The following RYR3 variants were observed in gnomAD, a reference collection of about 807,000 sequenced individuals.
RYR3 encodes ryanodine receptor 3, also known as brain ryanodine receptor-calcium release channel.
A neutral mutation model predicts 584.3 loss-of-function variants in RYR3; 207 were observed. That is an observed-to-expected ratio of 0.35 (90% CI 0.32 to 0.40). The LOEUF (loss-of-function observed/expected upper bound fraction) is 0.40. RYR3 is among the 10% of genes least tolerant of loss of function. The pLI is 1.00. For missense variants in RYR3, 5,616 were observed against 6,089.2 expected, an observed-to-expected ratio of 0.92 and a Z score of 2.59; for synonymous variants, 2,416 against 2,248.5, an observed-to-expected ratio of 1.07 and a Z score of -2.11.
At chr15:33,761,375 AGAG>A (rs2072427956) in intron 60 of RYR3, among the ~76,000 whole-genome samples, 1 of 152,202 alleles carries the variant, frequency 6.6e-6, no homozygotes, top group Non-Finnish European at 1.5e-5. Context: ...AGAAGAAAAG[AGAG>A]AAGAATCAAA....
In RYR3 at chr15:33,350,079, G is replaced by A. The variant is rs955894357; in HGVS notation, c.51+38983G>A. ...TACGTGTGCATGTGTCTTTATAGCA[G>A]CATGATTTATAGTCCTTTGGGTATA... On this transcript the variant is annotated intron_variant, in intron 1 of 103. Transcript: ENST00000634891. Among the ~76,000 whole-genome samples, 80 of 152,158 alleles carry A rather than the reference G, an allele frequency of 5.3e-4. 1 individual carries two copies. Among genetic ancestry groups the A allele is most frequent in the African/African-American group, 1.9e-3 (79 of 41,500 alleles).
rs773965332 is a variant in RYR3, at chr15:33,649,153, T to A, written c.4060T>A (p.Leu1354Met). The change falls in exon 31 of 104, where the codon TTG becomes ATG. Residue 1354 changes from leucine (L) to methionine (M), a missense_variant. Around this residue, in one of 9 missense-constraint regions of RYR3, gnomAD observed 753 missense variants for 741.0 expected, o/e 1.02. Transcript: ENST00000634891. Reference sequence around the variant, plus strand: ...CGGATGGGTGACTCCAGACTATCACTTGTACAGTGAAAAGTTTGACCTGAA... The same window carrying A: ...CGGATGGGTGACTCCAGACTATCACATGTACAGTGAAAAGTTTGACCTGAA... Reference protein sequence around the residue: ...WVGWVTPDYHLYSEKFDLNKN... With the variant: ...WVGWVTPDYHMYSEKFDLNKN... 6.2e-7 allele frequency: 1 copy of A among 1,613,822 alleles called. No homozygotes were observed. Among genetic ancestry groups the A allele is most frequent in the Admixed American group, 1.7e-5 (1 of 60,032 alleles).
intron 1 of RYR3, among the ~76,000 whole-genome samples, chr15:33,442,786 C>A (rs1481922924): frequency 6.6e-6 from 1 of 152,210 alleles, no homozygotes; most frequent in Non-Finnish European, 1.5e-5. Context: ...AAGCAAAAGC[C>A]TCTGGACAGC....
chr15:33,667,789 C>A (rs1014752499), intron 36 of RYR3, among the ~76,000 whole-genome samples: 4 of 152,068 alleles, frequency 2.6e-5, no homozygotes, highest in African/African-American at 9.7e-5. Flanking sequence ...TCAGGCCCGG[C>A]GCGGTGGCTC....
At chr15:33,527,621 A>C (rs931495109) in intron 3 of RYR3, among the ~76,000 whole-genome samples, 7 of 150,506 alleles carry the variant, frequency 4.7e-5, no homozygotes, top group Admixed American at 2.0e-4. Context: ...TATTTCACCC[A>C]CAAAGCCTAA....
At chr15:33,347,913 C>A (rs1340723032) in intron 1 of RYR3, among the ~76,000 whole-genome samples, 4 of 151,924 alleles carry the variant, frequency 2.6e-5, no homozygotes, top group African/African-American at 7.3e-5. Flanking sequence ...CAGAAACCAA[C>A]TTCCAGGTAC....
intron 1 of RYR3, among the ~76,000 whole-genome samples, chr15:33,371,690 G>A (rs531105795): frequency 6.6e-6 from 1 of 152,338 alleles, no homozygotes; most frequent in East Asian, 1.9e-4. Flanking sequence ...CACCTAGCGG[G>A]AGGATCATAT....
chr15:33,800,679 GTA>G lies in RYR3; in HGVS notation c.9831-89_9831-88del, dbSNP rs1487191451. 4.2e-5 allele frequency: 36 copies of G among 855,690 alleles called. No individual in the cohort carries two copies. In the East Asian group the frequency reaches 8.7e-4, roughly 21 times the overall value. The allele number at this position is 855,690 out of a possible 1,614,324, so 53.0% of individuals were successfully genotyped here. A position where few individuals can be genotyped will look rare whatever the true frequency, so the allele number is the denominator to read the frequency against. On this transcript the variant is annotated intron_variant, in intron 67 of 103. Transcript: ENST00000634891. ...AGAATGCAGTTTGATCTGGATAAAT[GTA>G]TGTCTCCAGTGCTGGTATAATTTTT...
chr15:33,645,878 T>C (rs903309261), intron 28 of RYR3, among the ~76,000 whole-genome samples: 10 of 151,374 alleles, frequency 6.6e-5, no homozygotes, highest in African/African-American at 2.4e-4. Flanking sequence ...AGATGAGAGC[T>C]GGGCTGGGTG....
At chr15:33,632,782 A>G (rs923505020) in intron 23 of RYR3, among the ~76,000 whole-genome samples, 167 bp from the exon 24 acceptor site, 1 of 152,220 alleles carries the variant, frequency 6.6e-6, no homozygotes, top group East Asian at 1.9e-4. Context: ...TGGGGGCTTC[A>G]TCTATAGACT....
intron 1 of RYR3, among the ~76,000 whole-genome samples, chr15:33,469,141 A>G (rs1329683189): frequency 6.6e-6 from 1 of 152,168 alleles, no homozygotes; most frequent in African/African-American, 2.4e-5. Context: ...AAATTCAGAG[A>G]TCAGAGAGAT....
chr15:33,432,602 TTTC>T (rs1187526623), intron 1 of RYR3, among the ~76,000 whole-genome samples: 22 of 147,392 alleles, frequency 1.5e-4, no homozygotes, highest in African/African-American at 5.6e-4. Flanking sequence ...TCTTTTTTTC[TTTC>T]TTTTTTTTTT....
chr15:33,439,546 A>G (rs992218216), intron 1 of RYR3, among the ~76,000 whole-genome samples: 5 of 152,100 alleles, frequency 3.3e-5, no homozygotes, highest in Non-Finnish European at 5.9e-5. Flanking sequence ...GTCCTTTCCT[A>G]TATTCTCCTA....
Position 33,854,853 on chromosome 15 carries a change from G to A in RYR3, c.13948G>A (p.Ala4650Thr), listed in dbSNP as rs368466725. 173 of 1,613,662 alleles carry A rather than the reference G, an allele frequency of 1.1e-4. No individual in the cohort carries two copies. Among genetic ancestry groups the A allele is most frequent in the East Asian group, 3.3e-4 (15 of 44,864 alleles). ...FFFAAHLLDIAMGFKTLRTIL... is the reference protein window; with the variant it reads ...FFFAAHLLDITMGFKTLRTIL... The stretch of plus-strand genomic sequence containing the variant: ...CTTTGCTGCTCACCTATTGGACATC[G>A]CAATGGGCTTCAAGACACTGAGGAC... The change falls in exon 98 of 104, where the codon GCA (alanine) becomes ACA (threonine). Residue 4650 changes from alanine (A) to threonine (T), a missense_variant. Transcript: ENST00000634891.
chr15:33,684,968 C>A (rs1324402976), intron 38 of RYR3, among the ~76,000 whole-genome samples: 1 of 152,190 alleles, frequency 6.6e-6, no homozygotes, highest in Admixed American at 6.5e-5. Context: ...AAAGGAACAA[C>A]CAGTACCAGC....
chr15:33,677,913 A>T (rs938775568), intron 38 of RYR3, among the ~76,000 whole-genome samples: 2 of 152,184 alleles, frequency 1.3e-5, no homozygotes, highest in African/African-American at 4.8e-5. Flanking sequence ...CCAATCACGG[A>T]TAGAGTCAGG....
chr15:33,505,370 A>T (rs2142786931), intron 3 of RYR3, among the ~76,000 whole-genome samples: 1 of 152,374 alleles, frequency 6.6e-6, no homozygotes, highest in South Asian at 2.1e-4. Context: ...GTCTTAGATC[A>T]TTAACAAAGG....
intron 1 of RYR3, among the ~76,000 whole-genome samples, chr15:33,407,657 G>C (rs1438756478): frequency 6.6e-6 from 1 of 152,180 alleles, no homozygotes; most frequent in African/African-American, 2.4e-5. Flanking sequence ...TTGTGTCATT[G>C]GATGGAGTTA....
chr15:33,841,048 T>C (rs969550753), intron 90 of RYR3, among the ~76,000 whole-genome samples, 165 bp downstream of exon 90: 4 of 151,946 alleles, frequency 2.6e-5, no homozygotes, highest in Non-Finnish European at 5.9e-5. Flanking sequence ...TGAGACCCCA[T>C]CTCTACAAAA....
Sources: gnomAD v4.1 joint callset for allele counts (sites outside exome capture counted in the v4.1 genomes callset) on GRCh38, gnomAD v4.1.1 for gene constraint, gnomAD v4.1.1 regional missense constraint, MANE v1.5 for transcripts, NCBI Gene and HGNC (gene_info 2026-07-23, HGNC 2026-07-21) for gene names.